Variants in PCDHGA1 observed in about 807,000 individuals in gnomAD.
The protein encoded by PCDHGA1 is protocadherin gamma subfamily A, 1, also known as protocadherin gamma-A1.
PCDHGA1 carries 32 observed loss-of-function variants against 58.0 expected under a neutral mutation model. The ratio of observed to expected loss-of-function variants is 0.55; its 90% CI spans 0.42 to 0.74. The LOEUF (loss-of-function observed/expected upper bound fraction) is 0.74. PCDHGA1 is among the 30% of genes least tolerant of loss of function. PCDHGA1 has a pLI of 0.00. For missense variants in PCDHGA1, 1,205 were observed against 1,182.3 expected, an observed-to-expected ratio of 1.02 and a Z score of -0.28; for synonymous variants, 498 against 501.1, an observed-to-expected ratio of 0.99 and a Z score of 0.08.
chr5:141,384,638 G>T (rs1003169745), intron 1 of PCDHGA1: 38 of 1,614,070 alleles, frequency 2.4e-5, no homozygotes, highest in Non-Finnish European at 2.6e-5. Context: ...CTGGCACCCC[G>T]CTCCGCAGAG....
rs779173739 is a variant in PCDHGA1 at position 141,340,991 on chromosome 5, G to T, written c.2421+7886G>T. On this transcript the variant is annotated intron_variant, in intron 1 of 3. Coordinates refer to ENST00000517417, the MANE Select transcript of PCDHGA1 (RefSeq NM_018912.3). Reference sequence around the variant, plus strand: ...CGACAGGATCCCCGACATCCTGGCCGACCTGGGCAGCCTCGAGCCCTCCGC... The same window carrying T: ...CGACAGGATCCCCGACATCCTGGCCTACCTGGGCAGCCTCGAGCCCTCCGC... 1.2e-5 allele frequency: 20 copies of T among 1,613,996 alleles called. No homozygotes were observed. In the South Asian group the frequency reaches 2.1e-4, roughly 17 times the overall value.
Position 141,485,715 on chromosome 5 carries a change from A to G in PCDHGA1, c.2422-9092A>G. The G allele has an allele frequency of 6.2e-7, 1 of 1,614,114 alleles. No homozygotes were observed. Among genetic ancestry groups the G allele is most frequent in the Non-Finnish European group, 8.5e-7 (1 of 1,180,012 alleles). On this transcript the variant is annotated intron_variant, in intron 1 of 3. Transcript: ENST00000517417. The surrounding 1 kb of genome is among the most constrained non-coding windows in gnomAD (Gnocchi z 5.7). ...AGCTCCAATGAACACTTTGCACTGGATGTGAAGAAGCGCAGCGACGGCAGC... is the reference window on the plus strand; with the variant it reads ...AGCTCCAATGAACACTTTGCACTGGGTGTGAAGAAGCGCAGCGACGGCAGC...
At chr5:141,402,919 G>T in intron 1 of PCDHGA1, 1 of 1,572,640 alleles carries the variant, frequency 6.4e-7, no homozygotes, top group Non-Finnish European at 8.6e-7. Flanking sequence ...CGCGCACAGA[G>T]ATCCTTTTGA....
chr5:141,499,423 G>GA (rs1229901490), intron 2 of PCDHGA1, among the ~76,000 whole-genome samples: 1 of 151,754 alleles, frequency 6.6e-6, no homozygotes, highest in Non-Finnish European at 1.5e-5. Flanking sequence ...ATGAAAAATA[G>GA]AAAAAAAATT....
At chr5:141,429,924 A>T (rs2097252885) in intron 1 of PCDHGA1, among the ~76,000 whole-genome samples, 1 of 152,210 alleles carries the variant, frequency 6.6e-6, no homozygotes, top group Admixed American at 6.5e-5. Context: ...GTATTAATAG[A>T]ATTCTGGAGT....
intron 1 of PCDHGA1, among the ~76,000 whole-genome samples, chr5:141,400,951 C>A (rs991607511): frequency 6.6e-6 from 1 of 152,174 alleles, no homozygotes; most frequent in Non-Finnish European, 1.5e-5. Flanking sequence ...ACTGATTTCA[C>A]TGGTAGTTTT....
chr5:141,409,567 G>A (rs974585499), intron 1 of PCDHGA1: 1 of 1,613,896 alleles, frequency 6.2e-7, no homozygotes, highest in African/African-American at 1.3e-5. Flanking sequence ...TCGACCAGAC[G>A]TCCTACGTGG....
chr5:141,371,664 G>A (rs1433896687), intron 1 of PCDHGA1: 2 of 1,613,906 alleles, frequency 1.2e-6, no homozygotes, highest in Non-Finnish European at 1.7e-6. Flanking sequence ...GACGATCACA[G>A]CTACCGACAA....
At chr5:141,385,295 A>C (rs1422997974) in intron 1 of PCDHGA1, 1 of 1,613,146 alleles carries the variant, frequency 6.2e-7, no homozygotes, top group African/African-American at 1.3e-5. Context: ...GATTTTCAGG[A>C]ATGTAAAGAA....
intron 1 of PCDHGA1, among the ~76,000 whole-genome samples, chr5:141,402,328 A>G (rs1589453798): frequency 6.6e-6 from 1 of 152,000 alleles, no homozygotes; most frequent in Non-Finnish European, 1.5e-5. Context: ...ACATTTACAA[A>G]TATATAGGTA....
At chr5:141,436,305 T>C (rs2097810667) in intron 1 of PCDHGA1, among the ~76,000 whole-genome samples, 1 of 152,184 alleles carries the variant, frequency 6.6e-6, no homozygotes. Flanking sequence ...AGTTAGAGCA[T>C]GAATAGTCAA....
In PCDHGA1 at chr5:141,360,410, G is replaced by T. The variant is rs773770981; in HGVS notation, c.2421+27305G>T. ...TTACTTGTGAGTGACAGAATAGACC[G>T]AGAACAGATATGCGGGAAGCAGCCT... On this transcript the variant is annotated intron_variant, in intron 1 of 3. Transcript: ENST00000517417. The T allele has an allele frequency of 1.9e-6, 3 of 1,613,964 alleles. No homozygotes were observed. The South Asian group carries it at 3.3e-5, about 18-fold the overall frequency.
intron 1 of PCDHGA1, chr5:141,400,525 G>C: frequency 2.5e-6 from 4 of 1,613,908 alleles, no homozygotes; most frequent in Non-Finnish European, 2.5e-6. Flanking sequence ...TCCTGAGTTG[G>C]TGAGTTTCAT....
chr5:141,390,130 C>T lies in PCDHGA1; in HGVS notation c.2421+57025C>T. On this transcript the variant is annotated intron_variant, in intron 1 of 3. Coordinates refer to ENST00000517417, the MANE Select transcript of PCDHGA1 (RefSeq NM_018912.3). Reference sequence around the variant, plus strand: ...TACAGCGAGGGGACTTTGCCTTATTCCTACAATCTATGTGTTGCACATACA... The same window carrying T: ...TACAGCGAGGGGACTTTGCCTTATTTCTACAATCTATGTGTTGCACATACA... 6.2e-7 allele frequency: 1 copy of T among 1,614,034 alleles called. No individual in the cohort carries two copies. Among genetic ancestry groups the T allele is most frequent in the Non-Finnish European group, 8.5e-7 (1 of 1,179,898 alleles).
intron 1 of PCDHGA1, chr5:141,371,867 C>G (rs1452583584): frequency 6.2e-7 from 1 of 1,613,548 alleles, no homozygotes; most frequent in Non-Finnish European, 8.5e-7. Flanking sequence ...CCTACTACAT[C>G]GTGGCCAGTG....
chr5:141,413,371 C>G (rs752898022), intron 1 of PCDHGA1: 1 of 1,613,966 alleles, frequency 6.2e-7, no homozygotes, highest in Non-Finnish European at 8.5e-7. Context: ...GCTGGCGGAG[C>G]GCGGAGTCCG....
At chr5:141,361,147 C>A (rs1434690627) in intron 1 of PCDHGA1, 3 of 1,613,838 alleles carry the variant, frequency 1.9e-6, no homozygotes, top group East Asian at 2.2e-5. Flanking sequence ...AGTTGAAATT[C>A]TTGATGACAA....
intron 1 of PCDHGA1, chr5:141,344,223 G>C: frequency 1.2e-6 from 2 of 1,614,056 alleles, no homozygotes; most frequent in Non-Finnish European, 1.7e-6. Flanking sequence ...GGAGCGCGGA[G>C]TCCGCATCGT....
chr5:141,454,796 A>ATTTTTTTTTTTTTTTTTTTTTTTTTTTT (rs61612330), intron 1 of PCDHGA1, among the ~76,000 whole-genome samples: 3 of 77,456 alleles, frequency 3.9e-5, no homozygotes, highest in Admixed American at 1.8e-4. Flanking sequence ...CATGGTTCTA[A>ATTTTTTTTTTTTTTTTTTTTTTTTTTTT]TTTTTTTTTT....
Sources: gnomAD v4.1 joint callset for allele counts (sites outside exome capture counted in the v4.1 genomes callset) on GRCh38, gnomAD v4.1.1 for gene constraint, Gnocchi (gnomAD v3.1) non-coding constraint, MANE v1.5 for transcripts, NCBI Gene and HGNC (gene_info 2026-07-23, HGNC 2026-07-21) for gene names.